IL1RAPL1: variants seen among roughly 807,000 people sequenced by gnomAD.
IL1RAPL1 encodes interleukin 1 receptor accessory protein like 1.
In IL1RAPL1, 3 loss-of-function variants were observed where a neutral mutation model predicts 48.4. The observed-to-expected ratio is 0.06, with a 90% confidence interval of 0.03 to 0.16. IL1RAPL1 has a LOEUF of 0.16. IL1RAPL1 is among the 10% of genes least tolerant of loss of function. IL1RAPL1 has a pLI of 1.00. For synonymous variants in IL1RAPL1, 185 were observed against 187.7 expected (o/e 0.99, Z 0.12); for missense variants, 349 against 530.6 (o/e 0.66, Z 3.36).
intron 5 of IL1RAPL1, among the ~76,000 whole-genome samples, chrX:29,554,656 C>T (rs1368706781): frequency 1.8e-5 from 2 of 111,420 alleles, no homozygotes; most frequent in African/African-American, 6.5e-5. Context: ...TTAAGTTCCA[C>T]AGTAGGAGCT....
At chrX:29,640,705 C>G (rs1335334671) in intron 5 of IL1RAPL1, among the ~76,000 whole-genome samples, 2 of 112,129 alleles carry the variant, frequency 1.8e-5, no homozygotes, top group Admixed American at 1.9e-4. Context: ...TACATGAACA[C>G]CTCTCTACTG....
At chrX:29,686,994 C>T (rs763068207) in intron 6 of IL1RAPL1, among the ~76,000 whole-genome samples, 1 of 105,070 alleles carries the variant, frequency 9.5e-6, no homozygotes, top group East Asian at 3.0e-4. Context: ...AAAAAAAAAA[C>T]AAAAGATAAC....
chrX:28,897,664 A>G lies in IL1RAPL1; in HGVS notation c.82+108239A>G, dbSNP rs370819159. Among the ~76,000 whole-genome samples the G allele has an allele frequency of 4.5e-5, 5 of 111,990 alleles. No homozygotes were observed. The East Asian group carries it at 1.4e-3, about 32-fold the overall frequency. On this transcript the variant is annotated intron_variant, in intron 2 of 10. Coordinates refer to ENST00000378993, the MANE Select transcript of IL1RAPL1 (RefSeq NM_014271.4). ...CAAAAAGTAGGAGGACAGGGGATTG[A>G]TCTCCCAAGGGAGTTCCCCCCTCCC...
chrX:29,420,162 T>C (rs1041815213), intron 5 of IL1RAPL1, among the ~76,000 whole-genome samples: 1 of 112,241 alleles, frequency 8.9e-6, no homozygotes, highest in Non-Finnish European at 1.9e-5. Flanking sequence ...AAGACTGTCA[T>C]TGAATGACTT....
At chrX:29,715,828 G>A (rs1390882038) in intron 6 of IL1RAPL1, among the ~76,000 whole-genome samples, 1 of 112,083 alleles carries the variant, frequency 8.9e-6, no homozygotes, top group Non-Finnish European at 1.9e-5. Flanking sequence ...TGCATTGAAT[G>A]TCTTTGAATG....
Position 28,619,693 on chromosome X carries a change from T to G in IL1RAPL1, c.-25+31646T>G, listed in dbSNP as rs1395952899. On this transcript the variant is annotated intron_variant, in intron 1 of 10. Transcript: ENST00000378993. Reference sequence around the variant, plus strand: ...CAATGGTTGAGTGTGTCATAATACTTACAGAATGATTTTGATTGTGTACGT... The same window carrying G: ...CAATGGTTGAGTGTGTCATAATACTGACAGAATGATTTTGATTGTGTACGT... 4.5e-5 allele frequency among the ~76,000 whole-genome samples: 5 copies of G among 110,927 alleles called. No individual in the cohort carries two copies. In the Admixed American group the frequency reaches 4.8e-4, roughly 11 times the overall value.
At chrX:28,625,106 G>C (rs1934324928) in intron 1 of IL1RAPL1, among the ~76,000 whole-genome samples, 1 of 111,646 alleles carries the variant, frequency 9.0e-6, no homozygotes, top group African/African-American at 3.3e-5. Flanking sequence ...TGATAAAAAG[G>C]AGTGGCCAGA....
chrX:28,906,648 C>G (rs1351359407), intron 2 of IL1RAPL1, among the ~76,000 whole-genome samples: 1 of 112,075 alleles, frequency 8.9e-6, no homozygotes, highest in Admixed American at 9.5e-5. Flanking sequence ...AATATCTTCT[C>G]ACTAGACATA....
Position 28,871,346 on chromosome X carries a change from G to A in IL1RAPL1, c.82+81921G>A, listed in dbSNP as rs193094883. Among the ~76,000 whole-genome samples the A allele has an allele frequency of 7.1e-5, 8 of 112,131 alleles. No homozygotes were observed. In the East Asian group the frequency reaches 2.0e-3, roughly 28 times the overall value. On this transcript the variant is annotated intron_variant, in intron 2 of 10. Transcript: ENST00000378993. ...TTAACAAAGCACATTTGGTTATATT[G>A]TATCTTTTACAGTTTCATAGTTTGC...
At chrX:29,115,347 T>G (rs1928657555) in intron 2 of IL1RAPL1, among the ~76,000 whole-genome samples, 1 of 111,442 alleles carries the variant, frequency 9.0e-6, no homozygotes, top group African/African-American at 3.3e-5. Flanking sequence ...TCCACATGCA[T>G]GTGTTGAAAT....
In IL1RAPL1 at chrX:29,917,460, G is replaced by A. The variant is rs1217489227; in HGVS notation, c.779-4G>A. 2 of 1,207,460 alleles carry A rather than the reference G, an allele frequency of 1.7e-6. No individual in the cohort carries two copies. Among genetic ancestry groups the A allele is most frequent in the Non-Finnish European group, 1.1e-6 (1 of 893,106 alleles). On this transcript the variant is annotated splice_polypyrimidine_tract_variant and splice_region_variant and intron_variant, in intron 6 of 10. Coordinates refer to ENST00000378993, the MANE Select transcript of IL1RAPL1 (RefSeq NM_014271.4). ...TAACACTTTTCCATCACTTCTCTCT[G>A]CAGGTGACTCTGCTAATCTAACCTG...
chrX:29,206,359 T>A (rs765801009), intron 2 of IL1RAPL1, among the ~76,000 whole-genome samples: 7 of 111,536 alleles, frequency 6.3e-5, no homozygotes, highest in African/African-American at 2.0e-4. Flanking sequence ...GATTCATAAC[T>A]CGCCTGAGAG....
intron 6 of IL1RAPL1, among the ~76,000 whole-genome samples, chrX:29,902,475 T>C (rs914927870): frequency 9.0e-6 from 1 of 111,092 alleles, no homozygotes; most frequent in Admixed American, 9.6e-5. Flanking sequence ...CTCTCTATTC[T>C]AGAGGAGCCA....
chrX:29,540,564 T>A (rs968411133), intron 5 of IL1RAPL1, among the ~76,000 whole-genome samples: 15 of 111,821 alleles, frequency 1.3e-4, no homozygotes, highest in Non-Finnish European at 1.5e-4. Context: ...AACTGCATGG[T>A]ACTGGTACAA....
intron 3 of IL1RAPL1, among the ~76,000 whole-genome samples, chrX:29,309,546 C>T (rs1932675782): frequency 8.9e-6 from 1 of 112,480 alleles, no homozygotes; most frequent in Non-Finnish European, 1.9e-5. Context: ...GGCTCAGTGG[C>T]TCACGCCTGT....
intron 2 of IL1RAPL1, among the ~76,000 whole-genome samples, chrX:29,044,450 T>G (rs941222133): frequency 9.1e-6 from 1 of 109,892 alleles, no homozygotes; most frequent in Non-Finnish European, 1.9e-5. Context: ...AATAAATAAA[T>G]AAATAAAAAG....
chrX:28,620,859 G>A (rs1934276895), intron 1 of IL1RAPL1, among the ~76,000 whole-genome samples: 1 of 111,608 alleles, frequency 9.0e-6, no homozygotes, highest in African/African-American at 3.3e-5. Flanking sequence ...TTTATCTTGG[G>A]CCCAGTCTAT....
intron 3 of IL1RAPL1, among the ~76,000 whole-genome samples, chrX:29,360,592 C>T (rs1212828835): frequency 8.9e-6 from 1 of 111,893 alleles, no homozygotes; most frequent in East Asian, 2.8e-4. Flanking sequence ...AAATACCACA[C>T]ATTTAATAGT....
At chrX:29,095,232 G>T (rs886786573) in intron 2 of IL1RAPL1, among the ~76,000 whole-genome samples, 1 of 110,966 alleles carries the variant, frequency 9.0e-6, no homozygotes, top group African/African-American at 3.3e-5. Context: ...TTTTAGAAAG[G>T]TGTTGTTTTT....
Sources: allele counts gnomAD v4.1 joint callset (sites outside exome capture counted in the v4.1 genomes callset), GRCh38; gene constraint gnomAD v4.1.1; transcripts MANE v1.5; gene names NCBI Gene and HGNC (gene_info 2026-07-23, HGNC 2026-07-21).